Variants in ROBO2 observed in about 807,000 individuals in gnomAD.
The protein encoded by ROBO2 is roundabout guidance receptor 2, also known as roundabout homolog 2.
Under a neutral mutation model 160.8 loss-of-function variants are expected in ROBO2, and 53 were observed. The ratio of observed to expected loss-of-function variants is 0.33; its 90% CI spans 0.26 to 0.41. The LOEUF (loss-of-function observed/expected upper bound fraction) is 0.41, where lower values mean the gene tolerates loss of function less well. Among genes scored for constraint, ROBO2 ranks in the 10% least tolerant of loss-of-function variants. The pLI is 1.00. For missense variants in ROBO2, 1,577 were observed against 1,722.4 expected (o/e 0.92, Z 1.49); for synonymous variants, 664 against 611.7 (o/e 1.09, Z -1.26).
intron 2 of ROBO2, among the ~76,000 whole-genome samples, chr3:76,327,157 A>T (rs999213161): frequency 6.6e-6 from 1 of 152,106 alleles, no homozygotes; most frequent in Non-Finnish European, 1.5e-5. Context: ...AAGAGCACCA[A>T]TTTACATGCC....
chr3:76,593,915 ACTT>A (rs1206754859), intron 2 of ROBO2, among the ~76,000 whole-genome samples: 2 of 152,036 alleles, frequency 1.3e-5, no homozygotes, highest in Non-Finnish European at 1.5e-5. Context: ...CAGTGATGAA[ACTT>A]CTTCATCTTT....
At chr3:76,594,020 A>G (rs2108856594) in intron 2 of ROBO2, among the ~76,000 whole-genome samples, 1 of 152,176 alleles carries the variant, frequency 6.6e-6, no homozygotes, top group African/African-American at 2.4e-5. Context: ...CATAAAAGAA[A>G]GTATGTTGTA....
At chr3:77,220,476 T>C (rs2085641275) in intron 2 of ROBO2, among the ~76,000 whole-genome samples, 2 of 152,058 alleles carry the variant, frequency 1.3e-5, no homozygotes, top group Admixed American at 6.5e-5. Context: ...TATTAAAAAG[T>C]ATTCATTTAT....
chr3:76,585,631 A>G (rs1199265776), intron 2 of ROBO2, among the ~76,000 whole-genome samples: 4 of 152,198 alleles, frequency 2.6e-5, no homozygotes, highest in African/African-American at 9.6e-5. Flanking sequence ...AAATTCTCAT[A>G]CCTAACAAAA....
At chr3:77,014,484 C>T (rs1321268722) in intron 2 of ROBO2, among the ~76,000 whole-genome samples, 1 of 152,174 alleles carries the variant, frequency 6.6e-6, no homozygotes, top group Non-Finnish European at 1.5e-5. Context: ...AAGCGAGCTG[C>T]AGCCATGTCA....
chr3:76,272,521 G>A (rs1707498115), intron 2 of ROBO2, among the ~76,000 whole-genome samples: 1 of 150,362 alleles, frequency 6.7e-6, no homozygotes, highest in Non-Finnish European at 1.5e-5. Flanking sequence ...AAATTAGCTG[G>A]GCGTGGTGGC....
intron 2 of ROBO2, among the ~76,000 whole-genome samples, chr3:77,468,360 G>C (rs973614848): frequency 6.6e-6 from 1 of 152,216 alleles, no homozygotes; most frequent in Non-Finnish European, 1.5e-5. Flanking sequence ...CCAGTTTGCA[G>C]TGCCACATGT....
chr3:76,103,319 G>T (rs936592484), intron 2 of ROBO2, among the ~76,000 whole-genome samples: 3 of 152,116 alleles, frequency 2.0e-5, no homozygotes, highest in African/African-American at 7.2e-5. Flanking sequence ...TTATAATGAG[G>T]AAAAGAAGAT....
At chr3:76,521,738 C>T (rs1172182782) in intron 2 of ROBO2, among the ~76,000 whole-genome samples, 2 of 152,042 alleles carry the variant, frequency 1.3e-5, no homozygotes, top group Non-Finnish European at 2.9e-5. Context: ...TTGTTCCTTG[C>T]CTTGTCTGCA....
intron 2 of ROBO2, among the ~76,000 whole-genome samples, chr3:75,942,860 C>A (rs2107096168): frequency 6.6e-6 from 1 of 152,050 alleles, no homozygotes; most frequent in African/African-American, 2.4e-5. Flanking sequence ...GTAGATTAAT[C>A]ATGCATTTCA....
intron 2 of ROBO2, among the ~76,000 whole-genome samples, chr3:76,884,691 A>G (rs1446479084): frequency 6.6e-6 from 1 of 152,178 alleles, no homozygotes; most frequent in East Asian, 1.9e-4. Context: ...TCAATATTTT[A>G]TGTTAGTTTT....
At chr3:77,589,487 T>C (rs2094131810) in intron 17 of ROBO2, among the ~76,000 whole-genome samples, 1 of 152,134 alleles carries the variant, frequency 6.6e-6, no homozygotes, top group South Asian at 2.1e-4. Context: ...AGACTCTTAT[T>C]ACAATGCAAA....
intron 2 of ROBO2, among the ~76,000 whole-genome samples, chr3:77,033,719 G>C (rs1473416573): frequency 2.0e-5 from 3 of 151,740 alleles, no homozygotes; most frequent in Non-Finnish European, 4.4e-5. Flanking sequence ...AGTAATCTTA[G>C]AAAAATGAAA....
At chr3:76,903,770 C>T (rs992759880) in intron 2 of ROBO2, among the ~76,000 whole-genome samples, 1 of 152,068 alleles carries the variant, frequency 6.6e-6, no homozygotes, top group Non-Finnish European at 1.5e-5. Context: ...CAGAATTCCC[C>T]GATAGCCATT....
intron 2 of ROBO2, among the ~76,000 whole-genome samples, chr3:76,793,705 CG>C (rs1281662344): frequency 1.3e-5 from 2 of 151,692 alleles, no homozygotes; most frequent in African/African-American, 4.8e-5. Context: ...CCCATTAACT[CG>C]TCATAATAGT....
intron 2 of ROBO2, among the ~76,000 whole-genome samples, chr3:77,278,714 G>A (rs763826810): frequency 8.5e-5 from 13 of 152,108 alleles, no homozygotes; most frequent in South Asian, 4.1e-4. Flanking sequence ...GTTATAATGC[G>A]AGAAGAGATT....
At chr3:77,406,808 T>G (rs2076288156) in intron 2 of ROBO2, among the ~76,000 whole-genome samples, 2 of 152,190 alleles carry the variant, frequency 1.3e-5, no homozygotes, top group Non-Finnish European at 2.9e-5. Context: ...ATTTTTGCTC[T>G]TTGAATTATT....
At chr3:76,304,747 C>CATCT (rs2071243561) in intron 2 of ROBO2, among the ~76,000 whole-genome samples, 1 of 101,626 alleles carries the variant, frequency 9.8e-6, no homozygotes, top group Non-Finnish European at 2.2e-5. Context: ...CTTTTCTTTC[C>CATCT]TTCTTTCTTT....
chr3:76,632,986 G>A (rs1056316074), intron 2 of ROBO2, among the ~76,000 whole-genome samples: 1 of 152,154 alleles, frequency 6.6e-6, no homozygotes, highest in Non-Finnish European at 1.5e-5. Flanking sequence ...ATGCATTATA[G>A]CATTGCGCCT....
Sources: allele counts gnomAD v4.1 joint callset (sites outside exome capture counted in the v4.1 genomes callset), GRCh38; gene constraint gnomAD v4.1.1; transcripts MANE v1.5; gene names NCBI Gene and HGNC (gene_info 2026-07-23, HGNC 2026-07-21).